Variants in GALNT18 observed in about 807,000 individuals in gnomAD.
GALNT18 encodes the protein polypeptide N-acetylgalactosaminyltransferase 18, also known as GalNAc-transferase 18.
Under a neutral mutation model 69.5 loss-of-function variants are expected in GALNT18, and 44 were observed. The ratio of observed to expected loss-of-function variants is 0.63; its 90% confidence interval spans 0.50 to 0.81. The LOEUF (loss-of-function observed/expected upper bound fraction) is 0.81, where lower values mean the gene tolerates loss of function less well. Among genes scored for constraint, GALNT18 ranks in the 40% least tolerant of loss-of-function variants. The pLI is 0.00. For missense variants in GALNT18, 715 were observed against 810.0 expected (o/e 0.88, Z 1.42); for synonymous variants, 364 against 318.2 (o/e 1.14, Z -1.53).
intron 3 of GALNT18, among the ~76,000 whole-genome samples, chr11:11,407,280 G>A (rs1041053165): frequency 2.0e-5 from 3 of 152,218 alleles, no homozygotes; most frequent in South Asian, 2.1e-4. Context: ...CTTTGCAATC[G>A]TGTGGCTTTC....
chr11:11,524,186 A>C (rs908059882), intron 1 of GALNT18, among the ~76,000 whole-genome samples: 5 of 152,196 alleles, frequency 3.3e-5, no homozygotes, highest in African/African-American at 9.7e-5. Context: ...AAAAGTAGGG[A>C]ATTTCCCAAA....
rs906027850 is a variant in GALNT18, at chr11:11,484,464, A to G, written c.236-35528T>C. Among the ~76,000 whole-genome samples, 6 of 151,740 alleles carry G rather than the reference A, an allele frequency of 4.0e-5. No individual in the cohort carries two copies. In the East Asian group the frequency reaches 9.7e-4, roughly 25 times the overall value. ...CAAAATTAGCCAAGTATGGTAGCACACTCCTGTAATCCTAGCTACTTAGGA... is the reference window on the plus strand; with the variant it reads ...CAAAATTAGCCAAGTATGGTAGCACGCTCCTGTAATCCTAGCTACTTAGGA... On this transcript the variant is annotated intron_variant, in intron 1 of 10. Coordinates refer to ENST00000227756, the MANE Select transcript of GALNT18 (RefSeq NM_198516.3).
intron 1 of GALNT18, among the ~76,000 whole-genome samples, chr11:11,597,874 A>G (rs549263753): frequency 2.8e-4 from 43 of 152,096 alleles, no homozygotes; most frequent in East Asian, 1.9e-3. Context: ...GTTAGCCAGG[A>G]TGGTCTCGAT....
intron 10 of GALNT18, among the ~76,000 whole-genome samples, chr11:11,278,261 A>C (rs1848990533): frequency 6.6e-6 from 1 of 151,842 alleles, no homozygotes; most frequent in South Asian, 2.1e-4. Flanking sequence ...ATGAGACAGA[A>C]AATTAACAAG....
In GALNT18 at chr11:11,402,395, A is replaced by T. The variant is rs983120000; in HGVS notation, c.596-23131T>A. ...CCATGATGACAGCTTGTCTTCAATC[A>T]TAAACTGCTTTTATCTTATTGAACC... On this transcript the variant is annotated intron_variant, in intron 3 of 10. Transcript: ENST00000227756. The surrounding 1 kb of genome is among the most constrained non-coding windows in gnomAD (Gnocchi z 4.0). Among the ~76,000 whole-genome samples the T allele has an allele frequency of 1.3e-5, 2 of 152,270 alleles. No homozygotes were observed. The highest frequency in any genetic ancestry group is 1.3e-4 in the Admixed American group (2 of 15,286).
chr11:11,577,698 A>G (rs1337790021), intron 1 of GALNT18, among the ~76,000 whole-genome samples: 1 of 152,192 alleles, frequency 6.6e-6, no homozygotes, highest in East Asian at 1.9e-4. Context: ...TGCCCTAGGA[A>G]AGAGGGAAGC....
chr11:11,498,231 G>A (rs1049327722), intron 1 of GALNT18, among the ~76,000 whole-genome samples: 4 of 152,156 alleles, frequency 2.6e-5, no homozygotes, highest in African/African-American at 9.7e-5. Context: ...TTTTTTCTAA[G>A]AAGCAATTCT....
Position 11,375,687 on chromosome 11 carries a change from C to T in GALNT18, c.977+1495G>A, listed in dbSNP as rs549007628. 3.9e-5 allele frequency among the ~76,000 whole-genome samples: 6 copies of T among 152,334 alleles called. No homozygotes were observed. In the South Asian group the frequency reaches 1.2e-3, roughly 32 times the overall value. On this transcript the variant is annotated intron_variant, in intron 5 of 10. Transcript: ENST00000227756. ...CTCCTCTTGTAAAACAGGGATGAGACATGAGCGGTCAACAGGTTGCGATGA... is the reference window on the plus strand; with the variant it reads ...CTCCTCTTGTAAAACAGGGATGAGATATGAGCGGTCAACAGGTTGCGATGA...
At chr11:11,304,028 A>G (rs1270747748) in intron 9 of GALNT18, among the ~76,000 whole-genome samples, 1 of 152,164 alleles carries the variant, frequency 6.6e-6, no homozygotes, top group African/African-American at 2.4e-5. Context: ...TGCCACCCTG[A>G]CCATCAGTGA....
In GALNT18 at chr11:11,542,104, G is replaced by A. The variant is rs886541490; in HGVS notation, c.235+79255C>T. 5.9e-5 allele frequency among the ~76,000 whole-genome samples: 9 copies of A among 152,192 alleles called. No homozygotes were observed. The highest frequency in any genetic ancestry group is 2.2e-4 in the African/African-American group (9 of 41,436). The stretch of plus-strand genomic sequence containing the variant: ...GTGAGGAGGCTGCAGAGGGTTCCAC[G>A]CACCCCGCTCCTCACCCACAAGCTA... On this transcript the variant is annotated intron_variant, in intron 1 of 10. Coordinates refer to ENST00000227756, the MANE Select transcript of GALNT18 (RefSeq NM_198516.3). This position sits in a 1 kb window ranked among gnomAD's most constrained non-coding sequence, Gnocchi z 4.3.
In GALNT18 at chr11:11,383,748, T is replaced by G. The variant is rs937147648; in HGVS notation, c.596-4484A>C. Among the ~76,000 whole-genome samples the G allele has an allele frequency of 6.6e-6, 1 of 152,050 alleles. No individual in the cohort carries two copies. Among genetic ancestry groups the G allele is most frequent in the Non-Finnish European group, 1.5e-5 (1 of 68,010 alleles). On this transcript the variant is annotated intron_variant, in intron 3 of 10. Coordinates refer to ENST00000227756, the MANE Select transcript of GALNT18 (RefSeq NM_198516.3). This position sits in a 1 kb window ranked among gnomAD's most constrained non-coding sequence, Gnocchi z 5.2. ...AAGGTGATTGCATCATGGGGGCAGT[T>G]TCCCACACGCTGTTCTCATGATAGT...
rs532139191 is a variant in GALNT18, at chr11:11,540,257, C to T, written c.235+81102G>A. ...GCTATCTTCTCAAGGGCTTAGAAGG[C>T]GTCCTTGTAACTTTGTTGAAGGGCC... On this transcript the variant is annotated intron_variant, in intron 1 of 10. Coordinates refer to ENST00000227756, the MANE Select transcript of GALNT18 (RefSeq NM_198516.3). This position sits in a 1 kb window ranked among gnomAD's most constrained non-coding sequence, Gnocchi z 4.6. Among the ~76,000 whole-genome samples, 9 of 152,328 alleles carry T rather than the reference C, an allele frequency of 5.9e-5. No individual in the cohort carries two copies. The South Asian group carries it at 1.4e-3, about 25-fold the overall frequency.
intron 1 of GALNT18, among the ~76,000 whole-genome samples, chr11:11,481,213 C>G (rs1402340858): frequency 1.3e-5 from 2 of 152,198 alleles, no homozygotes; most frequent in Non-Finnish European, 2.9e-5. Context: ...GGCAATTCAT[C>G]TGCAAATTCC....
chr11:11,581,939 G>C (rs375256857), intron 1 of GALNT18, among the ~76,000 whole-genome samples: 32 of 151,922 alleles, frequency 2.1e-4, no homozygotes, highest in African/African-American at 7.7e-4. Flanking sequence ...ACCAGATAGG[G>C]GGCTAAAGAG....
rs780537977 is a variant in GALNT18 at position 11,320,755 on chromosome 11, C to A, written c.1512+6331G>T. Among the ~76,000 whole-genome samples the A allele has an allele frequency of 1.3e-5, 2 of 152,170 alleles. No individual in the cohort carries two copies. On this transcript the variant is annotated intron_variant, in intron 9 of 10. Coordinates refer to ENST00000227756, the MANE Select transcript of GALNT18 (RefSeq NM_198516.3). The surrounding 1 kb of genome is among the most constrained non-coding windows in gnomAD (Gnocchi z 4.9). ...GATGTAGGAGCTCAGGCTGGGAATA[C>A]CCAGCCCGTCCCCAGGATAACCTTG...
intron 3 of GALNT18, among the ~76,000 whole-genome samples, chr11:11,400,479 C>T (rs574150532): frequency 1.3e-3 from 196 of 152,286 alleles, no homozygotes; most frequent in African/African-American, 4.3e-3. Flanking sequence ...CCCTGTCTAA[C>T]GAAGGTGTCT....
In GALNT18 at chr11:11,454,701, G is replaced by C. The variant is rs1477655397; in HGVS notation, c.236-5765C>G. Among the ~76,000 whole-genome samples, 1 of 152,054 alleles carries C rather than the reference G, an allele frequency of 6.6e-6. No homozygotes were observed. Reference sequence around the variant, plus strand: ...CCAGCTCAAACCACAGAACCACAGAGAGCCAGAGAGTCAGGCCAGGAGTGC... The same window carrying C: ...CCAGCTCAAACCACAGAACCACAGACAGCCAGAGAGTCAGGCCAGGAGTGC... On this transcript the variant is annotated intron_variant, in intron 1 of 10. Transcript: ENST00000227756. This position sits in a 1 kb window ranked among gnomAD's most constrained non-coding sequence, Gnocchi z 4.2.
At chr11:11,504,934 C>G (rs1011334943) in intron 1 of GALNT18, among the ~76,000 whole-genome samples, 1 of 152,162 alleles carries the variant, frequency 6.6e-6, no homozygotes, top group Non-Finnish European at 1.5e-5. Flanking sequence ...TTGACTGCCT[C>G]ATCTGGGGAG....
Position 11,538,639 on chromosome 11 carries a change from TAGTG to T in GALNT18, c.235+82716_235+82719del, listed in dbSNP as rs1374284502. Among the ~76,000 whole-genome samples, 1 of 152,174 alleles carries T rather than the reference TAGTG, an allele frequency of 6.6e-6. No homozygotes were observed. Among genetic ancestry groups the T allele is most frequent in the Non-Finnish European group, 1.5e-5 (1 of 68,028 alleles). ...GGGGATGAAGCACAGGCTGACCTGA[TAGTG>T]AGTCCTCCCTTCCTAGAGGTGCCTC... On this transcript the variant is annotated intron_variant, in intron 1 of 10. Transcript: ENST00000227756. This position sits in a 1 kb window ranked among gnomAD's most constrained non-coding sequence, Gnocchi z 5.2.
Sources: allele counts gnomAD v4.1 joint callset (sites outside exome capture counted in the v4.1 genomes callset), GRCh38; gene constraint gnomAD v4.1.1; non-coding constraint Gnocchi (gnomAD v3.1); transcripts MANE v1.5; gene names NCBI Gene and HGNC (gene_info 2026-07-23, HGNC 2026-07-21).